Variants in ZFR2 observed in about 807,000 individuals in gnomAD.
The protein encoded by ZFR2 is zinc finger RNA-binding protein 2.
A neutral mutation model predicts 105.7 loss-of-function variants in ZFR2; 104 were observed. That is an observed-to-expected ratio of 0.98 (90% CI 0.84 to 1.16). The LOEUF is 1.16. Among genes scored for constraint, ZFR2 ranks in the 50% most tolerant of loss-of-function variants. The pLI, the probability that ZFR2 is intolerant of heterozygous loss-of-function variation, is 0.00. For missense variants in ZFR2, 1,425 were observed against 1,355.5 expected (o/e 1.05, Z -0.80); for synonymous variants, 634 against 597.7 (o/e 1.06, Z -0.89).
intron 18 of ZFR2, among the ~76,000 whole-genome samples, chr19:3,806,574 C>T (rs375773376): frequency 1.1e-4 from 17 of 152,300 alleles, no homozygotes; most frequent in African/African-American, 4.1e-4. Flanking sequence ...CCGCTTCTTA[C>T]GACTGCGGAG....
chr19:3,830,417 C>A (rs2037998961), intron 5 of ZFR2, among the ~76,000 whole-genome samples: 1 of 152,190 alleles, frequency 6.6e-6, no homozygotes, highest in African/African-American at 2.4e-5. Flanking sequence ...GCCTGAGCAA[C>A]AGAGCGAGAC....
At chr19:3,859,063 C>T (rs986922200) in intron 1 of ZFR2, among the ~76,000 whole-genome samples, 3 of 152,070 alleles carry the variant, frequency 2.0e-5, no homozygotes, top group African/African-American at 4.8e-5. Context: ...ACATTTGAGC[C>T]GGTGGACAGG....
At chr19:3,867,304 TG>T (rs11404220) in intron 1 of ZFR2, among the ~76,000 whole-genome samples, 10 of 149,656 alleles carry the variant, frequency 6.7e-5, no homozygotes, top group African/African-American at 1.2e-4. Context: ...GATCAACTGT[TG>T]GGGGGGGAAT....
At chr19:3,842,010 CT>C (rs566135761) in intron 1 of ZFR2, among the ~76,000 whole-genome samples, 182 of 144,900 alleles carry the variant, frequency 1.3e-3, no homozygotes, top group East Asian at 4.5e-3. Context: ...AGCAGAGTGA[CT>C]TTTTTTTTTT....
chr19:3,815,002 AG>A (rs2037809505), intron 13 of ZFR2, among the ~76,000 whole-genome samples: 1 of 151,732 alleles, frequency 6.6e-6, no homozygotes, highest in Non-Finnish European at 1.5e-5. Flanking sequence ...CCACTGGAAA[AG>A]TCAAAGGAGT....
At position 3,806,121 on chromosome 19, in the gene ZFR2, G is replaced by T. The variant is rs1157993688; in HGVS notation, c.2648C>A (p.Ala883Asp). 1 of 1,448,024 alleles carries T rather than the reference G, an allele frequency of 6.9e-7. No individual in the cohort carries two copies. The highest frequency in any genetic ancestry group is 1.5e-5 in the African/African-American group (1 of 68,942). The allele number at this position is 1,448,024 out of a possible 1,614,324, so 89.7% of individuals were successfully genotyped here. ...CTGCCGGAAGGCCAGCATTCGCAGGGCGTGCTGCGGGGCACACACAGCCTG... is the reference window on the plus strand; with the variant it reads ...CTGCCGGAAGGCCAGCATTCGCAGGTCGTGCTGCGGGGCACACACAGCCTG... The part of the protein sequence containing the change: ...REDVTASAQH[A>D]LRMLAFRQTH... Residue 883 changes from alanine to aspartate, a missense_variant, in exon 19 of 19, where the codon GCC becomes GAC. Transcript: ENST00000262961.
intron 3 of ZFR2, among the ~76,000 whole-genome samples, chr19:3,833,012 C>T (rs535722668): frequency 3.2e-4 from 48 of 151,552 alleles, no homozygotes; most frequent in African/African-American, 1.0e-3. Context: ...TTTGGGAGGC[C>T]GAGGCAGGTG....
At chr19:3,814,052 C>T in intron 13 of ZFR2, 94 bp from the exon 14 acceptor site, 1 of 1,535,948 alleles carries the variant, frequency 6.5e-7, no homozygotes, top group South Asian at 1.2e-5. Flanking sequence ...TAAATTAATC[C>T]CGTCGGGCCT....
intron 1 of ZFR2, among the ~76,000 whole-genome samples, chr19:3,855,071 T>C (rs1384404833): frequency 1.3e-5 from 2 of 152,096 alleles, no homozygotes; most frequent in South Asian, 4.1e-4. Flanking sequence ...ATTTTTTAAA[T>C]TTTTGGTAGA....
chr19:3,808,386 G>A (rs760077425), intron 17 of ZFR2, among the ~76,000 whole-genome samples: 3 of 152,332 alleles, frequency 2.0e-5, no homozygotes, highest in Admixed American at 2.0e-4. Context: ...ACCCTTTTCC[G>A]TATCTGGCCG....
chr19:3,807,479 G>C (rs1442718233), intron 17 of ZFR2, among the ~76,000 whole-genome samples: 1 of 152,238 alleles, frequency 6.6e-6, no homozygotes, highest in Admixed American at 6.5e-5. Context: ...CTCAAAGCCT[G>C]TTGGGCTGCC....
intron 1 of ZFR2, among the ~76,000 whole-genome samples, chr19:3,844,565 C>T (rs1032591243): frequency 3.9e-5 from 6 of 151,996 alleles, no homozygotes; most frequent in African/African-American, 9.7e-5. Flanking sequence ...ACGGGGTTTC[C>T]ACCATGTTGG....
At chr19:3,843,113 C>T (rs890468706) in intron 1 of ZFR2, among the ~76,000 whole-genome samples, 14 of 152,220 alleles carry the variant, frequency 9.2e-5, no homozygotes, top group African/African-American at 3.4e-4. Context: ...AGGTATTTTA[C>T]ACCAATGTTC....
intron 16 of ZFR2, 132 bp downstream of exon 16, chr19:3,810,618 G>A: frequency 2.5e-6 from 2 of 787,192 alleles, no homozygotes; most frequent in Non-Finnish European, 3.8e-6. Context: ...GACTCCCACG[G>A]CCTCTCCTGA....
At chr19:3,819,893 C>T (rs376167539) in intron 11 of ZFR2, among the ~76,000 whole-genome samples, 28 of 150,268 alleles carry the variant, frequency 1.9e-4, no homozygotes, top group African/African-American at 6.4e-4. Context: ...GCTCGGGCTG[C>T]GGGGACAGGT....
rs1169127496 is a variant in ZFR2 at position 3,813,454 on chromosome 19, G to A, written c.2242+366C>T. 3.9e-5 allele frequency among the ~76,000 whole-genome samples: 6 copies of A among 152,174 alleles called. No individual in the cohort carries two copies. The highest frequency in any genetic ancestry group is 4.1e-4 in the South Asian group (2 of 4,834). On this transcript the variant is annotated intron_variant, in intron 14 of 18. Transcript: ENST00000262961. This position sits in a 1 kb window ranked among gnomAD's most constrained non-coding sequence, Gnocchi z 4.4. ...GACAGAGTCAAACTGAGCTTCTGCCGTGACCCAGGGGAAATGGCTCAGACC... is the reference window on the plus strand; with the variant it reads ...GACAGAGTCAAACTGAGCTTCTGCCATGACCCAGGGGAAATGGCTCAGACC...
intron 1 of ZFR2, chr19:3,852,629 A>G (rs2038253140): frequency 1.4e-6 from 1 of 717,870 alleles, no homozygotes; most frequent in Admixed American, 2.0e-5. Context: ...AAGAGTAGCA[A>G]GGACATGGTG....
chr19:3,836,232 G>T (rs1314418087), intron 1 of ZFR2, among the ~76,000 whole-genome samples: 1 of 152,128 alleles, frequency 6.6e-6, no homozygotes, highest in Admixed American at 6.6e-5. Context: ...CAGTACAGAT[G>T]CATTTTTTTC....
chr19:3,819,214 T>C lies in ZFR2; in HGVS notation c.1762A>G (p.Ser588Gly), dbSNP rs2037860952. 2.6e-6 allele frequency: 4 copies of C among 1,557,296 alleles called. No homozygotes were observed. The highest frequency in any genetic ancestry group is 3.4e-6 in the Non-Finnish European group (4 of 1,159,490). ...TTGCACATGACGTGCCGGTCGTCGCTGGACGCCGGCCGCCGCCCGGGCTGT... is the reference window on the plus strand; with the variant it reads ...TTGCACATGACGTGCCGGTCGTCGCCGGACGCCGGCCGCCGCCCGGGCTGT... The part of the protein sequence containing the change: ...PLQPGRRPAS[S>G]DDRHVMCKHA... Residue 588 changes from serine (S) to glycine (G), a missense_variant, in exon 12 of 19, where the codon AGC (serine) becomes GGC (glycine). Coordinates refer to ENST00000262961, the MANE Select transcript of ZFR2 (RefSeq NM_015174.2).
Sources: gnomAD v4.1 joint callset for allele counts (sites outside exome capture counted in the v4.1 genomes callset) on GRCh38, gnomAD v4.1.1 for gene constraint, Gnocchi (gnomAD v3.1) non-coding constraint, MANE v1.5 for transcripts, NCBI Gene and HGNC (gene_info 2026-07-23, HGNC 2026-07-21) for gene names.